FBXO32: variants seen among roughly 807,000 people sequenced by gnomAD.
FBXO32 encodes F-box protein 32, also known as F-box only protein 32.
In FBXO32, 15 loss-of-function variants were observed where a neutral mutation model predicts 48.3. That is an observed-to-expected ratio of 0.31 (90% CI 0.21 to 0.48). The LOEUF is 0.48. Ranked by LOEUF, FBXO32 falls within the 20% of genes least tolerant of loss-of-function variation. The probability of loss-of-function intolerance (pLI) is 0.99; values close to 1 mark genes in which losing one functional copy is unlikely to be tolerated. For missense variants in FBXO32, 309 were observed against 432.7 expected (o/e 0.71, Z 2.54); for synonymous variants, 154 against 165.9 (o/e 0.93, Z 0.55).
intron 6 of FBXO32, among the ~76,000 whole-genome samples, chr8:123,508,703 A>G (rs1586989404): frequency 6.6e-6 from 1 of 152,180 alleles, no homozygotes; most frequent in Non-Finnish European, 1.5e-5. Context: ...TGCTGATCAT[A>G]TGAGCTAATA....
At chr8:123,503,972 G>A (rs577772910) in intron 8 of FBXO32, among the ~76,000 whole-genome samples, 515 of 151,912 alleles carry the variant, frequency 3.4e-3, no homozygotes, top group Non-Finnish European at 5.0e-3. Flanking sequence ...CCAGATACTC[G>A]GGGAGGCTGA....
intron 4 of FBXO32, among the ~76,000 whole-genome samples, chr8:123,526,719 AC>A (rs1236895402): frequency 2.0e-5 from 3 of 152,266 alleles, no homozygotes; most frequent in South Asian, 2.1e-4. Flanking sequence ...CAGTGATGCT[AC>A]CCTTCTGAAA....
rs1332343977 is a variant in FBXO32 at position 123,501,557 on chromosome 8, C to T, written c.*1816G>A. 6.6e-6 allele frequency: 1 copy of T among 151,972 alleles called. No individual in the cohort carries two copies. The highest frequency in any genetic ancestry group is 1.5e-5 in the Non-Finnish European group (1 of 68,004). The allele number at this position is 151,972 out of a possible 1,614,324, so 9.4% of individuals were successfully genotyped here. A position where few individuals can be genotyped will look rare whatever the true frequency, so the allele number is the denominator to read the frequency against. Reference sequence around the variant, plus strand: ...ATGAAAAAAACTGGAGAAATTCTGGCGTAGCACAAACATTGCAAAGTGAGG... The same window carrying T: ...ATGAAAAAAACTGGAGAAATTCTGGTGTAGCACAAACATTGCAAAGTGAGG... On this transcript the variant is annotated 3_prime_UTR_variant, in exon 9 of 9. Transcript: ENST00000517956.
chr8:123,518,144 G>A (rs1816877183), intron 4 of FBXO32, among the ~76,000 whole-genome samples: 1 of 152,208 alleles, frequency 6.6e-6, no homozygotes, highest in South Asian at 2.1e-4. Flanking sequence ...TATATCATAA[G>A]AGTTTAAGAG....
At chr8:123,535,440 G>A (rs951459226) in intron 1 of FBXO32, among the ~76,000 whole-genome samples, 1 of 152,200 alleles carries the variant, frequency 6.6e-6, no homozygotes, top group Non-Finnish European at 1.5e-5. Flanking sequence ...TAGGTTTTAT[G>A]TAGTGCCTTG....
At chr8:123,523,488 G>A (rs975382612) in intron 4 of FBXO32, among the ~76,000 whole-genome samples, 1 of 152,134 alleles carries the variant, frequency 6.6e-6, no homozygotes, top group Non-Finnish European at 1.5e-5. Flanking sequence ...TACTCAGGAG[G>A]CTGAGGCAGG....
chr8:123,506,295 G>T lies in FBXO32; in HGVS notation c.834+97C>A. The T allele has an allele frequency of 7.4e-7, 1 of 1,346,196 alleles. No homozygotes were observed. Among genetic ancestry groups the T allele is most frequent in the East Asian group, 2.4e-5 (1 of 40,898 alleles). The allele number at this position is 1,346,196 out of a possible 1,614,324, so 83.4% of individuals were successfully genotyped here. A position where few individuals can be genotyped will look rare whatever the true frequency, so the allele number is the denominator to read the frequency against. On this transcript the variant is annotated intron_variant, in intron 7 of 8. Transcript: ENST00000517956. The surrounding 1 kb of genome is among the most constrained non-coding windows in gnomAD (Gnocchi z 4.0). ...GTCAAACCAGGGAACCTGGAATAGGGGGAACCCAGACCTCAGGCTTGAGCA... is the reference window on the plus strand; with the variant it reads ...GTCAAACCAGGGAACCTGGAATAGGTGGAACCCAGACCTCAGGCTTGAGCA...
rs537370196 is a variant in FBXO32, at chr8:123,499,656, G to A, written c.*3717C>T. The stretch of plus-strand genomic sequence containing the variant: ...TATATTTTATAATAAACATTGTATT[G>A]AATGCTAAGAATGATACACTGTTGA... On this transcript the variant is annotated 3_prime_UTR_variant, in exon 9 of 9. Transcript: ENST00000517956. 4 of 152,232 alleles carry A rather than the reference G, an allele frequency of 2.6e-5. No homozygotes were observed. Among genetic ancestry groups the A allele is most frequent in the African/African-American group, 9.6e-5 (4 of 41,530 alleles). 9.4% of individuals were successfully genotyped at this position (152,232 alleles called of 1,614,324 possible).
rs1816389965 is a variant in FBXO32 at position 123,498,024 on chromosome 8, T to C, written c.*5349A>G. The C allele has an allele frequency of 6.6e-6, 1 of 152,200 alleles. No homozygotes were observed. The highest frequency in any genetic ancestry group is 2.1e-4 in the South Asian group (1 of 4,828). 9.4% of individuals were successfully genotyped at this position (152,200 alleles called of 1,614,324 possible). On this transcript the variant is annotated 3_prime_UTR_variant, in exon 9 of 9. Transcript: ENST00000517956. ...GTGCAAATAATTTATACAGAAGGAC[T>C]CAGCTCACACAATATTAAATAAACA...
At chr8:123,522,789 C>G (rs1044399412) in intron 4 of FBXO32, among the ~76,000 whole-genome samples, 14 of 152,146 alleles carry the variant, frequency 9.2e-5, no homozygotes, top group African/African-American at 2.9e-4. Flanking sequence ...CCTGGCCGTC[C>G]CTCAAGGAAG....
chr8:123,540,911 C>T lies in FBXO32; in HGVS notation c.104G>A (p.Ser35Asn). 6.2e-7 allele frequency: 1 copy of T among 1,613,428 alleles called. No individual in the cohort carries two copies. Among genetic ancestry groups the T allele is most frequent in the South Asian group, 1.1e-5 (1 of 91,070 alleles). Residue 35 changes from serine (S) to asparagine (N), a missense_variant, in exon 1 of 9, where the codon AGC (serine) becomes AAC (asparagine). Ser to Asn is a conservative substitution (Grantham distance 46). Transcript: ENST00000517956. This position sits in a 1 kb window ranked among gnomAD's most constrained non-coding sequence, Gnocchi z 6.4. ...FLDEKSGSFVSDLSSYCNKEV... is the reference protein window; with the variant it reads ...FLDEKSGSFVNDLSSYCNKEV... ...CGGGTCCCCTCACCTGCTGAGGTCG[C>T]TCACGAAACTGCCGCTCTTCTCATC... is the stretch of plus-strand genomic sequence containing the variant.
At position 123,525,198 on chromosome 8, in the gene FBXO32, C is replaced by T. The variant is rs1436007655; in HGVS notation, c.372+6700G>A. Among the ~76,000 whole-genome samples the T allele has an allele frequency of 6.6e-6, 1 of 152,172 alleles. No homozygotes were observed. The highest frequency in any genetic ancestry group is 6.5e-5 in the Admixed American group (1 of 15,276). The stretch of plus-strand genomic sequence containing the variant: ...AATGCTTTCAGGGGTGGTAGGAATG[C>T]AGTAACTTGCTGGAAACATTCAAAT... On this transcript the variant is annotated intron_variant, in intron 4 of 8. Coordinates refer to ENST00000517956, the MANE Select transcript of FBXO32 (RefSeq NM_058229.4). The surrounding 1 kb of genome is among the most constrained non-coding windows in gnomAD (Gnocchi z 4.3).
chr8:123,515,688 T>C (rs1816826241), intron 4 of FBXO32, among the ~76,000 whole-genome samples: 1 of 152,068 alleles, frequency 6.6e-6, no homozygotes, highest in African/African-American at 2.4e-5. Context: ...TTTACTGACA[T>C]GGCAAGATTA....
intron 4 of FBXO32, among the ~76,000 whole-genome samples, chr8:123,526,048 G>A (rs1586999175): frequency 6.6e-6 from 1 of 151,752 alleles, no homozygotes; most frequent in Non-Finnish European, 1.5e-5. Context: ...CATCCCTAGT[G>A]TTTATAAACT....
rs916106984 is a variant in FBXO32 at position 123,525,353 on chromosome 8, C to T, written c.372+6545G>A. Among the ~76,000 whole-genome samples, 8 of 152,134 alleles carry T rather than the reference C, an allele frequency of 5.3e-5. No individual in the cohort carries two copies. The highest frequency in any genetic ancestry group is 1.2e-4 in the African/African-American group (5 of 41,420). On this transcript the variant is annotated intron_variant, in intron 4 of 8. Coordinates refer to ENST00000517956, the MANE Select transcript of FBXO32 (RefSeq NM_058229.4). The surrounding 1 kb of genome is among the most constrained non-coding windows in gnomAD (Gnocchi z 4.3). Reference sequence around the variant, plus strand: ...GTTCTTCTTGATCCACTAGCACATACGGGTCAGTTTACTCCAGTGAGAAAA... The same window carrying T: ...GTTCTTCTTGATCCACTAGCACATATGGGTCAGTTTACTCCAGTGAGAAAA...
At chr8:123,510,142 C>T (rs1237546169) in intron 6 of FBXO32, among the ~76,000 whole-genome samples, 1 of 152,162 alleles carries the variant, frequency 6.6e-6, no homozygotes, top group African/African-American at 2.4e-5. Context: ...CAGAGCCAGC[C>T]CTTAATAATA....
intron 1 of FBXO32, among the ~76,000 whole-genome samples, chr8:123,536,315 A>G (rs1311411316): frequency 1.3e-5 from 2 of 152,172 alleles, no homozygotes; most frequent in Non-Finnish European, 2.9e-5. Context: ...TCTCAGAGGC[A>G]CCTTCAAAAG....
chr8:123,509,483 T>C (rs759543978), intron 6 of FBXO32, among the ~76,000 whole-genome samples: 4 of 152,074 alleles, frequency 2.6e-5, no homozygotes, highest in African/African-American at 7.2e-5. Context: ...GAGGATTGCT[T>C]GAGCCCAAAA....
Position 123,514,318 on chromosome 8 carries a change from C to T in FBXO32, c.388G>A (p.Ala130Thr). The change falls in exon 5 of 9, where the codon GCA becomes ACA. Residue 130 changes from alanine (A) to threonine (T), a missense_variant. Ala to Thr is a moderately conservative substitution (Grantham distance 58). Transcript: ENST00000517956. ...NYVVRLLELIAKSQLTSLSGI... is the reference protein window; with the variant it reads ...NYVVRLLELITKSQLTSLSGI... ...CTCAGGGATGTGAGCTGTGACTTTG[C>T]TATCAGCTCCAACAGCTGAGGATAA... The T allele has an allele frequency of 1.2e-6, 2 of 1,612,204 alleles. No individual in the cohort carries two copies. Among genetic ancestry groups the T allele is most frequent in the Non-Finnish European group, 1.7e-6 (2 of 1,179,288 alleles).
Sources: allele counts gnomAD v4.1 joint callset (sites outside exome capture counted in the v4.1 genomes callset), GRCh38; gene constraint gnomAD v4.1.1; non-coding constraint Gnocchi (gnomAD v3.1); transcripts MANE v1.5; gene names NCBI Gene and HGNC (gene_info 2026-07-23, HGNC 2026-07-21).